HDAC9: variants seen among roughly 807,000 people sequenced by gnomAD.
HDAC9 encodes MEF-2 interacting transcription repressor (MITR) protein.
In HDAC9, 41 loss-of-function variants were observed where a neutral mutation model predicts 139.4. The observed-to-expected ratio is 0.29, with a 90% confidence interval of 0.23 to 0.38. The LOEUF is 0.38. Ranked by LOEUF, HDAC9 falls within the 10% of genes least tolerant of loss-of-function variation. HDAC9 has a pLI of 1.00. For synonymous variants in HDAC9, 517 were observed against 476.2 expected (o/e 1.09, Z -1.12); for missense variants, 1,147 against 1,297.0 (o/e 0.88, Z 1.78).
At chr7:18,318,605 C>G (rs1262379333) in intron 1 of HDAC9, among the ~76,000 whole-genome samples, 1 of 152,156 alleles carries the variant, frequency 6.6e-6, no homozygotes, top group Non-Finnish European at 1.5e-5. Context: ...TGATTTGAAT[C>G]AATTCATCAT....
intron 1 of HDAC9, among the ~76,000 whole-genome samples, chr7:18,328,010 A>C (rs1800600453): frequency 6.6e-6 from 1 of 152,002 alleles, no homozygotes; most frequent in Non-Finnish European, 1.5e-5. Flanking sequence ...AAGAATATTT[A>C]AGCAGTAATT....
chr7:18,119,924 C>G (rs1192272899), intron 1 of HDAC9, among the ~76,000 whole-genome samples: 2 of 152,148 alleles, frequency 1.3e-5, no homozygotes, highest in African/African-American at 4.8e-5. Flanking sequence ...ATTGATCAAT[C>G]CTTGGGGTGT....
At chr7:18,588,275 A>G (rs757041618) in intron 3 of HDAC9, among the ~76,000 whole-genome samples, 7 of 152,206 alleles carry the variant, frequency 4.6e-5, no homozygotes, top group Non-Finnish European at 8.8e-5. Flanking sequence ...GTAAAAAACA[A>G]AATTTACTAA....
intron 22 of HDAC9, among the ~76,000 whole-genome samples, chr7:18,921,176 A>G (rs1803681070): frequency 6.6e-6 from 1 of 152,200 alleles, no homozygotes; most frequent in Non-Finnish European, 1.5e-5. Flanking sequence ...GGCATGGGCA[A>G]GGACTTCATG....
At chr7:18,798,353 A>G (rs753475446) in intron 17 of HDAC9, among the ~76,000 whole-genome samples, 1 of 152,224 alleles carries the variant, frequency 6.6e-6, no homozygotes, top group Non-Finnish European at 1.5e-5. Context: ...GAAAGTAATC[A>G]AAGTCTTCCA....
intron 25 of HDAC9, among the ~76,000 whole-genome samples, chr7:18,991,816 A>T (rs1785999335): frequency 6.6e-6 from 1 of 152,240 alleles, no homozygotes; most frequent in Non-Finnish European, 1.5e-5. Flanking sequence ...ACAAGAAGGT[A>T]TTGTTTTACA....
At chr7:18,701,416 CAA>C (rs546101451) in intron 12 of HDAC9, among the ~76,000 whole-genome samples, 4 of 64,830 alleles carry the variant, frequency 6.2e-5, no homozygotes, top group African/African-American at 3.1e-4. Flanking sequence ...ACAAAACAAA[CAA>C]AAAAAAAAAA....
intron 17 of HDAC9, among the ~76,000 whole-genome samples, chr7:18,798,824 A>ATGT (rs2129182526): frequency 6.6e-6 from 1 of 152,298 alleles, no homozygotes; most frequent in East Asian, 1.9e-4. Context: ...AATGTGCATA[A>ATGT]GGACTATGAA....
In HDAC9 at chr7:18,721,195, A is replaced by G. The variant is rs112013485; in HGVS notation, c.1732-6385A>G. Among the ~76,000 whole-genome samples, 1,369 of 152,250 alleles carry G rather than the reference A, an allele frequency of 9.0e-3. 27 individuals are homozygous for G. Among genetic ancestry groups the G allele is most frequent in the African/African-American group, 0.032 (1,318 of 41,540 alleles). The stretch of plus-strand genomic sequence containing the variant: ...ATATGTATAAATATTACAACAATGA[A>G]CACTCATAACATCCAGCTTAAGAAA... On this transcript the variant is annotated intron_variant, in intron 12 of 25. Transcript: ENST00000686413.
At chr7:18,585,217 G>A (rs1052738220) in intron 2 of HDAC9, 64 bp from the exon 3 acceptor site, 2 of 1,553,108 alleles carry the variant, frequency 1.3e-6, no homozygotes, top group African/African-American at 1.4e-5. Flanking sequence ...CCAAATCAAT[G>A]TGCTAATTTC....
At chr7:18,456,200 A>ATT (rs1444082058) in intron 1 of HDAC9, among the ~76,000 whole-genome samples, 1 of 152,144 alleles carries the variant, frequency 6.6e-6, no homozygotes, top group East Asian at 1.9e-4. Flanking sequence ...CATTTGCATT[A>ATT]TTTGTCCAAC....
chr7:18,876,071 T>C (rs568506990), intron 22 of HDAC9, among the ~76,000 whole-genome samples: 3 of 152,288 alleles, frequency 2.0e-5, no homozygotes, highest in South Asian at 2.1e-4. Context: ...GGATTGATCA[T>C]TTTGTTCCCT....
chr7:18,255,430 G>A (rs746840562), intron 2 of HDAC9, among the ~76,000 whole-genome samples: 8 of 152,246 alleles, frequency 5.3e-5, no homozygotes, highest in African/African-American at 1.9e-4. Context: ...AAGTCAGACA[G>A]GGAGCATGGT....
intron 22 of HDAC9, among the ~76,000 whole-genome samples, chr7:18,930,617 A>AC (rs1488927171): frequency 8.2e-6 from 1 of 122,340 alleles, no homozygotes; most frequent in Non-Finnish European, 1.9e-5. Flanking sequence ...GGATAATAAA[A>AC]TTAAAAAAAA....
rs138103996 is a variant in HDAC9, at chr7:18,561,394, C to A, written c.23-23887C>A. On this transcript the variant is annotated intron_variant, in intron 2 of 25. Transcript: ENST00000686413. ...TTCTGTATATTAACCTTTTGTTATG[C>A]CTAGAGCTCAGTATATCTAAACAAT... Among the ~76,000 whole-genome samples the A allele has an allele frequency of 5.8e-4, 88 of 152,210 alleles. No individual in the cohort carries two copies. The South Asian group carries it at 7.9e-3, about 14-fold the overall frequency.
chr7:18,893,101 G>A (rs887568442), intron 22 of HDAC9, among the ~76,000 whole-genome samples: 1 of 144,122 alleles, frequency 6.9e-6, no homozygotes, highest in Non-Finnish European at 1.5e-5. Flanking sequence ...GCAGTGAGAA[G>A]AACAGACATG....
intron 6 of HDAC9, among the ~76,000 whole-genome samples, chr7:18,617,599 CT>C (rs1396042858): frequency 1.3e-5 from 2 of 152,144 alleles, no homozygotes; most frequent in African/African-American, 4.8e-5. Flanking sequence ...CAGATAGTCA[CT>C]TCATATTTTA....
At chr7:18,789,079 C>T (rs139885432) in intron 16 of HDAC9, among the ~76,000 whole-genome samples, 2 of 151,990 alleles carry the variant, frequency 1.3e-5, no homozygotes, top group African/African-American at 4.8e-5. Context: ...AACACAGGAC[C>T]GTGATCTGAG....
chr7:18,310,571 G>A lies in HDAC9; in HGVS notation c.-42+20056G>A, dbSNP rs377542967. 2.4e-4 allele frequency among the ~76,000 whole-genome samples: 37 copies of A among 152,188 alleles called. 1 individual carries two copies. The highest frequency in any genetic ancestry group is 1.4e-3 in the Admixed American group (21 of 15,284). On this transcript the variant is annotated intron_variant, in intron 1 of 3. Transcript: ENST00000413509. The stretch of plus-strand genomic sequence containing the variant: ...AACAAAAAATTATGCATACACTCAC[G>A]TTTAACTTCTCCTGATACTCGCACT...
Sources: allele counts gnomAD v4.1 joint callset (sites outside exome capture counted in the v4.1 genomes callset), GRCh38; gene constraint gnomAD v4.1.1; transcripts MANE v1.5; gene names NCBI Gene and HGNC (gene_info 2026-07-23, HGNC 2026-07-21).